PCK1: variants seen among roughly 807,000 people sequenced by gnomAD.
The protein encoded by PCK1 is phosphoenolpyruvate carboxykinase 1, also known as phosphoenolpyruvate carboxykinase, cytosolic [GTP].
PCK1 carries 44 observed loss-of-function variants against 50.3 expected under a neutral mutation model. That is an observed-to-expected ratio of 0.87 (90% CI 0.69 to 1.12). The LOEUF (loss-of-function observed/expected upper bound fraction) is 1.12. Ranked by LOEUF, PCK1 falls within the 50% of genes most tolerant of loss-of-function variation. The pLI is 0.00. For synonymous variants in PCK1, 332 were observed against 314.3 expected, an observed-to-expected ratio of 1.06 and a Z score of -0.59; for missense variants, 790 against 815.0, an observed-to-expected ratio of 0.97 and a Z score of 0.37.
chr20:57,564,565 G>A lies in PCK1; in HGVS notation c.1270G>A (p.Glu424Lys), dbSNP rs2070185573. The A allele has an allele frequency of 1.2e-6, 2 of 1,613,076 alleles. No homozygotes were observed. Among genetic ancestry groups the A allele is most frequent in the Non-Finnish European group, 8.5e-7 (1 of 1,179,262 alleles). The change falls in exon 8 of 10, where the codon GAA (glutamate) becomes AAA (lysine). Residue 424 changes from glutamate to lysine, a missense_variant. By Grantham distance (56) the Glu-to-Lys change is moderately conservative. Transcript: ENST00000319441. Reference sequence around the variant, plus strand: ...CATTGATGCTGCCTGGGAGTCTCCGGAAGGTGTTCCCATTGAAGGCATTAT... The same window carrying A: ...CATTGATGCTGCCTGGGAGTCTCCGAAAGGTGTTCCCATTGAAGGCATTAT... ...PIIDAAWESP[E>K]GVPIEGIIFG...
At chr20:57,561,685 C>A (rs1455654878) in intron 2 of PCK1, 50 bp downstream of exon 2, 3 of 1,266,750 alleles carry the variant, frequency 2.4e-6, no homozygotes, top group Non-Finnish European at 3.4e-6. Context: ...GCAGGGCTCC[C>A]CTGCGTCTCC....
chr20:57,563,777 G>A (rs375471431), intron 6 of PCK1, 50 bp downstream of exon 6: 64 of 1,457,860 alleles, frequency 4.4e-5, no homozygotes, highest in African/African-American at 7.1e-5. Context: ...CAAGCGAATC[G>A]TTGGCCTTCG....
At chr20:57,562,616 G>T in intron 3 of PCK1, 80 bp from the exon 4 acceptor site, 3 of 1,216,552 alleles carry the variant, frequency 2.5e-6, no homozygotes, top group Admixed American at 1.9e-5. Context: ...GTGAAAATGG[G>T]TCTACCTGGG....
In PCK1 at chr20:57,562,483, G is replaced by C. The variant is rs1324353247; in HGVS notation, c.407-213G>C. 5 of 622,470 alleles carry C rather than the reference G, an allele frequency of 8.0e-6. No homozygotes were observed. In the East Asian group the frequency reaches 1.4e-4, roughly 17 times the overall value. 38.6% of individuals were successfully genotyped at this position (622,470 alleles called of 1,614,324 possible). On this transcript the variant is annotated intron_variant, in intron 3 of 9. Coordinates refer to ENST00000319441, the MANE Select transcript of PCK1 (RefSeq NM_002591.4). ...CATGCATATGGGTTTTAAATAGCTT[G>C]GTGGGACCCAATTGCACATTTATGA...
rs2070181014 is a variant in PCK1, at chr20:57,564,275, C to G, written c.1068C>G (p.Ile356Met). 1 of 1,614,116 alleles carries G rather than the reference C, an allele frequency of 6.2e-7. No individual in the cohort carries two copies. Among genetic ancestry groups the G allele is most frequent in the Admixed American group, 1.7e-5 (1 of 60,024 alleles). ...NAIKTIQKNT[I>M]FTNVAETSDG... ...TCAAGACCATCCAGAAGAACACAAT[C>G]TTTACCAATGTGGCCGAGACCAGCG... The change falls in exon 7 of 10, where the codon ATC becomes ATG. Residue 356 changes from isoleucine to methionine, a missense_variant. Ile to Met is a conservative substitution (Grantham distance 10). Transcript: ENST00000319441.
rs760440639 is a variant in PCK1 at position 57,566,159 on chromosome 20, ATATGTG to A, written c.*357_*362del. On this transcript the variant is annotated 3_prime_UTR_variant, in exon 10 of 10. Coordinates refer to ENST00000319441, the MANE Select transcript of PCK1 (RefSeq NM_002591.4). ...AAAAAAATACTTGAGCTGTATATAT[ATATGTG>A]TGTGTGTGTGTGTGTGTGTGTGTGT... is the stretch of plus-strand genomic sequence containing the variant. 796 of 167,326 alleles carry A rather than the reference ATATGTG, an allele frequency of 4.8e-3. 4 individuals are homozygous for A. The highest frequency in any genetic ancestry group is 0.019 in the African/African-American group (488 of 25,250). 10.4% of individuals were successfully genotyped at this position (167,326 alleles called of 1,614,324 possible). A position where few individuals can be genotyped will look rare whatever the true frequency, so the allele number is the denominator to read the frequency against.
chr20:57,562,813 G>C lies in PCK1; in HGVS notation c.524G>C (p.Arg175Pro), dbSNP rs761566552. The change falls in exon 4 of 10, where the codon CGG becomes CCG. Residue 175 changes from arginine to proline, a missense_variant. Physicochemically the swap from Arg to Pro is moderately radical, Grantham distance 103. Coordinates refer to ENST00000319441, the MANE Select transcript of PCK1 (RefSeq NM_002591.4). The part of the protein sequence containing the change: ...YVVASMRIMT[R>P]MGTPVLEAVG... ...GTGGCCAGCATGCGGATCATGACGC[G>C]GATGGGCACGCCCGTCCTGGAAGCA... is the stretch of plus-strand genomic sequence containing the variant. 1 of 1,614,082 alleles carries C rather than the reference G, an allele frequency of 6.2e-7. No individual in the cohort carries two copies. The highest frequency in any genetic ancestry group is 8.5e-7 in the Non-Finnish European group (1 of 1,179,912).
At chr20:57,564,096 C>A in intron 6 of PCK1, 73 bp from the exon 7 acceptor site, 3 of 932,878 alleles carry the variant, frequency 3.2e-6, no homozygotes, top group Non-Finnish European at 5.0e-6. Context: ...GAAATTAGTC[C>A]GGCAATATAT....
rs371037433 is a variant in PCK1, at chr20:57,562,709, C to T, written c.420C>T (p.Tyr140=). 18 of 1,613,674 alleles carry T rather than the reference C, an allele frequency of 1.1e-5. No homozygotes were observed. Among genetic ancestry groups the T allele is most frequent in the Non-Finnish European group, 1.3e-5 (15 of 1,179,826 alleles). ...CGCACCCTGTAGGTCGCACCATGTA[C>T]GTCATCCCATTCAGCATGGGGCCGC... ...FPGCMKGRTM[Y]VIPFSMGPLG... The change falls in exon 4 of 10, where the codon TAC becomes TAT. Residue 140 remains tyrosine (Y), a synonymous_variant. Coordinates refer to ENST00000319441, the MANE Select transcript of PCK1 (RefSeq NM_002591.4).
rs1473544189 is a variant in PCK1 at position 57,565,495 on chromosome 20, C to G, written c.1560C>G (p.Asp520Glu). The G allele has an allele frequency of 6.2e-7, 1 of 1,614,190 alleles. No individual in the cohort carries two copies. Among genetic ancestry groups the G allele is most frequent in the African/African-American group, 1.3e-5 (1 of 75,048 alleles). The change falls in exon 10 of 10, where the codon GAC becomes GAG. Residue 520 changes from aspartate to glutamate, a missense_variant. Transcript: ENST00000319441. Reference sequence around the variant, plus strand: ...TCCATGTCAACTGGTTCCGGAAGGACAAGGAAGGCAAATTCCTCTGGCCAG... The same window carrying G: ...TCCATGTCAACTGGTTCCGGAAGGAGAAGGAAGGCAAATTCCTCTGGCCAG... Reference protein sequence around the residue: ...KIFHVNWFRKDKEGKFLWPGF... With the variant: ...KIFHVNWFRKEKEGKFLWPGF...
Position 57,565,666 on chromosome 20 carries a change from T to C in PCK1, c.1731T>C (p.Leu577=), listed in dbSNP as rs768517818. Residue 577 remains leucine, a synonymous_variant, in exon 10 of 10, where the codon CTT becomes CTC. Coordinates refer to ENST00000319441, the MANE Select transcript of PCK1 (RefSeq NM_002591.4). The part of the protein sequence containing the change: ...KGLGHINMME[L]FSISKEFWEK... ...TGGGGCACATCAACATGATGGAGCT[T>C]TTCAGCATCTCCAAGGAATTCTGGG... is the stretch of plus-strand genomic sequence containing the variant. The C allele has an allele frequency of 2.9e-5, 47 of 1,614,000 alleles. No individual in the cohort carries two copies. In the East Asian group the frequency reaches 1.0e-3, roughly 36 times the overall value.
In PCK1 at chr20:57,564,575, C is replaced by T. The variant is rs2070185698; in HGVS notation, c.1280C>T (p.Pro427Leu). Residue 427 changes from proline to leucine, a missense_variant, in exon 8 of 10, where the codon CCC (proline) becomes CTC (leucine). Transcript: ENST00000319441. ...DAAWESPEGVPIEGIIFGGRR... is the reference protein window; with the variant it reads ...DAAWESPEGVLIEGIIFGGRR... ...GCCTGGGAGTCTCCGGAAGGTGTTC[C>T]CATTGAAGGCATTATCTTTGGAGGC... 6.2e-7 allele frequency: 1 copy of T among 1,611,392 alleles called. No homozygotes were observed. The highest frequency in any genetic ancestry group is 8.5e-7 in the Non-Finnish European group (1 of 1,178,334).
rs878950820 is a variant in PCK1, at chr20:57,566,159, ATATGTGTG to A, written c.*357_*364del. 4.6e-4 allele frequency: 77 copies of A among 167,536 alleles called. No individual in the cohort carries two copies. The highest frequency in any genetic ancestry group is 1.7e-3 in the Middle Eastern group (1 of 574). 10.4% of individuals were successfully genotyped at this position (167,536 alleles called of 1,614,324 possible). ...AAAAAAATACTTGAGCTGTATATAT[ATATGTGTG>A]TGTGTGTGTGTGTGTGTGTGTGTGT... On this transcript the variant is annotated 3_prime_UTR_variant, in exon 10 of 10. Coordinates refer to ENST00000319441, the MANE Select transcript of PCK1 (RefSeq NM_002591.4).
chr20:57,563,613 G>T lies in PCK1; in HGVS notation c.847G>T (p.Ala283Ser), dbSNP rs574265290. ...GGGTGAGAAGAAGTACCTGGCGGCC[G>T]CATTTCCCAGCGCCTGCGGGAAGAC... Reference protein sequence around the residue: ...PEGEKKYLAAAFPSACGKTNL... With the variant: ...PEGEKKYLAASFPSACGKTNL... The change falls in exon 6 of 10, where the codon GCA becomes TCA. Residue 283 changes from alanine to serine, a missense_variant. Transcript: ENST00000319441. 1.2e-6 allele frequency: 2 copies of T among 1,611,830 alleles called. No individual in the cohort carries two copies. The highest frequency in any genetic ancestry group is 1.3e-5 in the African/African-American group (1 of 74,958).
rs376297762 is a variant in PCK1, at chr20:57,564,487, C to T, written c.1192C>T (p.Pro398Ser). 1.9e-6 allele frequency: 3 copies of T among 1,614,182 alleles called. No individual in the cohort carries two copies. Among genetic ancestry groups the T allele is most frequent in the Non-Finnish European group, 2.5e-6 (3 of 1,180,034 alleles). The part of the protein sequence containing the change: ...NKEWSSEDGE[P>S]CAHPNSRFCT... ...AGCCTTTCTCTGTCTTATAGGGGAA[C>T]CTTGTGCCCACCCCAACTCGAGGTT... The change falls in exon 8 of 10, where the codon CCT (proline) becomes TCT (serine). Residue 398 changes from proline (P) to serine (S), a missense_variant. Coordinates refer to ENST00000319441, the MANE Select transcript of PCK1 (RefSeq NM_002591.4).
intron 5 of PCK1, 43 bp from the exon 6 acceptor site, chr20:57,563,521 GA>G (rs755100704): frequency 7.0e-7 from 1 of 1,426,314 alleles, no homozygotes; most frequent in Admixed American, 1.9e-5. Flanking sequence ...CAACCTCGGG[GA>G]GAAGGAAACA....
intron 2 of PCK1, 43 bp downstream of exon 2, chr20:57,561,678 G>A: frequency 7.3e-7 from 1 of 1,368,980 alleles, no homozygotes; most frequent in African/African-American, 1.4e-5. Flanking sequence ...CCTGCAGGCA[G>A]GGCTCCCCTG....
intron 5 of PCK1, 89 bp downstream of exon 5, chr20:57,563,304 C>A: frequency 1.6e-6 from 2 of 1,223,498 alleles, no homozygotes; most frequent in Non-Finnish European, 2.3e-6. Context: ...CGTCAGCACA[C>A]CTCTCTGAGC....
Position 57,566,161 on chromosome 20 carries a change from A to ATGTGTGTGTGTG in PCK1, c.*382_*393dup, listed in dbSNP as rs141075201. The ATGTGTGTGTGTG allele has an allele frequency of 2.0e-3, 321 of 159,680 alleles. 1 individual carries two copies. In the Middle Eastern group the frequency reaches 0.021, roughly 10 times the overall value. 9.9% of individuals were successfully genotyped at this position (159,680 alleles called of 1,614,324 possible). ...AAAAATACTTGAGCTGTATATATAT[A>ATGTGTGTGTGTG]TGTGTGTGTGTGTGTGTGTGTGTGT... On this transcript the variant is annotated 3_prime_UTR_variant, in exon 10 of 10. Transcript: ENST00000319441.
Sources: allele counts gnomAD v4.1 joint callset, GRCh38; gene constraint gnomAD v4.1.1; transcripts MANE v1.5; gene names NCBI Gene and HGNC (gene_info 2026-07-23, HGNC 2026-07-21).